Variants in NBAS observed in about 807,000 individuals in gnomAD.
NBAS encodes the protein NBAS subunit of NRZ tethering complex.
In NBAS, 219 loss-of-function variants were observed where a neutral mutation model predicts 302.5. That is an observed-to-expected ratio of 0.72 (90% CI 0.65 to 0.81). The LOEUF is 0.81. Among genes scored for constraint, NBAS ranks in the 30% least tolerant of loss-of-function variants. NBAS has a pLI of 0.00. For missense variants in NBAS, 2,932 were observed against 2,841.6 expected, an observed-to-expected ratio of 1.03 and a Z score of -0.72; for synonymous variants, 1,118 against 1,021.6, an observed-to-expected ratio of 1.09 and a Z score of -1.80.
intron 26 of NBAS, among the ~76,000 whole-genome samples, chr2:15,397,049 G>A (rs931973009): frequency 1.3e-5 from 2 of 152,216 alleles, no homozygotes; most frequent in Non-Finnish European, 2.9e-5. Context: ...AGGGAGTGAA[G>A]GTGAAAAGCA....
chr2:15,203,138 C>T (rs1290336037), intron 48 of NBAS, among the ~76,000 whole-genome samples: 2 of 152,140 alleles, frequency 1.3e-5, no homozygotes, highest in Non-Finnish European at 2.9e-5. Flanking sequence ...ATATACCATA[C>T]AGACATACAC....
At chr2:15,387,347 G>A (rs957044794) in intron 28 of NBAS, among the ~76,000 whole-genome samples, 16 of 151,808 alleles carry the variant, frequency 1.1e-4, no homozygotes, top group African/African-American at 3.1e-4. Flanking sequence ...GATTACAGGC[G>A]TAATGAATGT....
intron 44 of NBAS, among the ~76,000 whole-genome samples, chr2:15,273,418 A>G (rs1037836000): frequency 2.6e-5 from 4 of 152,196 alleles, no homozygotes; most frequent in African/African-American, 9.7e-5. Context: ...GCTCTCCCAC[A>G]GTTTCTCAAA....
chr2:15,325,999 G>A (rs1046562933), intron 38 of NBAS, among the ~76,000 whole-genome samples: 2 of 152,154 alleles, frequency 1.3e-5, no homozygotes, highest in African/African-American at 4.8e-5. Context: ...AAGAAGGAGA[G>A]AGATGGAAAA....
chr2:14,837,206 A>C, the NBAS span, among the ~76,000 whole-genome samples: 1 of 151,856 alleles, frequency 6.6e-6, no homozygotes. Flanking sequence ...AAAAGCAATG[A>C]GAGTAGGTAT....
intron 7 of NBAS, chr2:15,538,349 G>T (rs192967954): frequency 2.1e-6 from 1 of 481,818 alleles, no homozygotes; most frequent in Non-Finnish European, 4.1e-6. Flanking sequence ...CACAACACAC[G>T]TTTTTAGTTT....
chr2:15,309,939 A>C (rs1217469609), intron 38 of NBAS, among the ~76,000 whole-genome samples: 1 of 152,246 alleles, frequency 6.6e-6, no homozygotes, highest in Non-Finnish European at 1.5e-5. Context: ...CTATTCATTT[A>C]GCATCTCAGT....
At chr2:15,413,448 A>C (rs1328867764) in intron 25 of NBAS, among the ~76,000 whole-genome samples, 1 of 152,248 alleles carries the variant, frequency 6.6e-6, no homozygotes, top group Non-Finnish European at 1.5e-5. Flanking sequence ...CAGAGTACAA[A>C]GACAGAGAAG....
the NBAS span, among the ~76,000 whole-genome samples, chr2:14,981,875 G>T: frequency 6.6e-6 from 1 of 152,178 alleles, no homozygotes; most frequent in Non-Finnish European, 1.5e-5. Flanking sequence ...CCCTAACATG[G>T]TAGCTAGTCT....
At chr2:14,935,916 G>A in the NBAS span, among the ~76,000 whole-genome samples, 1 of 152,070 alleles carries the variant, frequency 6.6e-6, no homozygotes, top group Non-Finnish European at 1.5e-5. Flanking sequence ...CCCACCCCTA[G>A]GTGCCAAACC....
chr2:15,468,420 C>T lies in NBAS; in HGVS notation c.1839G>A (p.Glu613=), dbSNP rs774505056. The T allele has an allele frequency of 1.4e-5, 22 of 1,613,952 alleles. No individual in the cohort carries two copies. The highest frequency in any genetic ancestry group is 1.9e-5 in the Non-Finnish European group (22 of 1,179,984). The change falls in exon 17 of 52, where the codon GAG becomes GAA. Residue 613 remains glutamate (E), a synonymous_variant. Coordinates refer to ENST00000281513, the MANE Select transcript of NBAS (RefSeq NM_015909.4). ...CTCCTTTCCCTATTGCTAAAAGAGC[C>T]TCCAGGTCTGTGCCTTTTAATCCAT... ...LQYGLKGTDL[E]ALLAIGKGAD...
the NBAS span, among the ~76,000 whole-genome samples, chr2:14,795,452 G>A: frequency 6.8e-6 from 1 of 146,582 alleles, no homozygotes; most frequent in Non-Finnish European, 1.5e-5. Flanking sequence ...TTATTATGGA[G>A]TTTTGAAATG....
At chr2:15,517,025 G>C (rs118152828) in intron 9 of NBAS, among the ~76,000 whole-genome samples, 1 of 151,880 alleles carries the variant, frequency 6.6e-6, no homozygotes, top group Non-Finnish European at 1.5e-5. Context: ...TCAAATAAAT[G>C]CACACAACTA....
At chr2:14,801,689 G>A in the NBAS span, among the ~76,000 whole-genome samples, 1 of 151,496 alleles carries the variant, frequency 6.6e-6, no homozygotes, top group East Asian at 1.9e-4. Flanking sequence ...TTGCATTCCT[G>A]GTAATTTTTT....
chr2:14,937,932 C>A, the NBAS span, among the ~76,000 whole-genome samples: 1 of 152,072 alleles, frequency 6.6e-6, no homozygotes, highest in Admixed American at 6.6e-5. Flanking sequence ...AGCTCAAGAC[C>A]AGCCTGACCA....
At chr2:15,485,391 G>C (rs1212603153) in intron 12 of NBAS, among the ~76,000 whole-genome samples, 17 of 152,158 alleles carry the variant, frequency 1.1e-4, no homozygotes, top group Admixed American at 1.1e-3. Context: ...CACAAGTATT[G>C]TGGGAAAAAA....
At chr2:14,905,041 C>T in the NBAS span, among the ~76,000 whole-genome samples, 1 of 151,946 alleles carries the variant, frequency 6.6e-6, no homozygotes, top group African/African-American at 2.4e-5. Flanking sequence ...AGTGAGACTC[C>T]GTCTCAAAAA....
At chr2:14,913,179 C>A in the NBAS span, among the ~76,000 whole-genome samples, 9 of 152,152 alleles carry the variant, frequency 5.9e-5, no homozygotes, top group South Asian at 1.2e-3. Context: ...GGGCTGCAAT[C>A]CGCATTGGCA....
chr2:14,902,338 G>C, the NBAS span, among the ~76,000 whole-genome samples: 19 of 152,266 alleles, frequency 1.2e-4, no homozygotes, highest in African/African-American at 4.3e-4. Context: ...CACCGTGTTG[G>C]CCAGGCTGTT....
Sources: allele counts gnomAD v4.1 joint callset (sites outside exome capture counted in the v4.1 genomes callset), GRCh38; gene constraint gnomAD v4.1.1; transcripts MANE v1.5; gene names NCBI Gene and HGNC (gene_info 2026-07-23, HGNC 2026-07-21).